KIRREL3: variants seen among roughly 807,000 people sequenced by gnomAD.
KIRREL3 encodes kirre like nephrin family adhesion molecule 3, also known as kin of IRRE-like protein 3.
Under a neutral mutation model 89.7 loss-of-function variants are expected in KIRREL3, and 36 were observed. The observed-to-expected ratio is 0.40, with a 90% confidence interval of 0.31 to 0.53. The LOEUF is 0.53. Ranked by LOEUF, KIRREL3 falls within the 20% of genes least tolerant of loss-of-function variation. The pLI, the probability that KIRREL3 is intolerant of heterozygous loss-of-function variation, is 0.49. For missense variants in KIRREL3, 864 were observed against 1,056.6 expected (o/e 0.82, Z 2.53); for synonymous variants, 445 against 441.4 (o/e 1.01, Z -0.10).
chr11:126,514,832 C>T (rs557222640), intron 4 of KIRREL3, among the ~76,000 whole-genome samples: 27 of 134,854 alleles, frequency 2.0e-4, no homozygotes, highest in African/African-American at 7.6e-4. Flanking sequence ...CACAACACAA[C>T]ACAACACAAC....
intron 1 of KIRREL3, among the ~76,000 whole-genome samples, chr11:126,732,762 G>C (rs10790824): frequency 0.22 from 34,045 of 152,164 alleles, 4,082 homozygotes; most frequent in African/African-American, 0.3. Flanking sequence ...TATGCCCAAG[G>C]AGACTCCAAG....
Position 126,778,546 on chromosome 11 carries a change from G to A in KIRREL3, c.56-215634C>T, listed in dbSNP as rs564595795. Among the ~76,000 whole-genome samples the A allele has an allele frequency of 1.3e-5, 2 of 152,210 alleles. No homozygotes were observed. The highest frequency in any genetic ancestry group is 1.9e-4 in the East Asian group (1 of 5,182). On this transcript the variant is annotated intron_variant, in intron 1 of 16. Coordinates refer to ENST00000525144, the MANE Select transcript of KIRREL3 (RefSeq NM_032531.4). The surrounding 1 kb of genome is among the most constrained non-coding windows in gnomAD (Gnocchi z 4.5). ...GTTTTTGCTATAACAACAATGCTGCGGTAAATACCCTTTTACTGAAATCTT... is the reference window on the plus strand; with the variant it reads ...GTTTTTGCTATAACAACAATGCTGCAGTAAATACCCTTTTACTGAAATCTT...
In KIRREL3 at chr11:126,521,347, A is replaced by G. The variant is rs939648426; in HGVS notation, c.401T>C (p.Ile134Thr). The stretch of plus-strand genomic sequence containing the variant: ...TGTGAGGCGTGCGGGGCGGGAGCGG[A>G]TGGCGGCCTGGATGGCCTGGCACTC... ...VYECQAIQAA[I>T]RSRPARLTVL... Residue 134 changes from isoleucine (I) to threonine (T), a missense_variant, in exon 4 of 17, where the codon ATC becomes ACC. Physicochemically the swap from Ile to Thr is moderately conservative, Grantham distance 89 (BLOSUM62 -1). Coordinates refer to ENST00000525144, the MANE Select transcript of KIRREL3 (RefSeq NM_032531.4). The surrounding 1 kb of genome is among the most constrained non-coding windows in gnomAD (Gnocchi z 4.1). The G allele has an allele frequency of 6.4e-7, 1 of 1,553,536 alleles. No individual in the cohort carries two copies. The highest frequency in any genetic ancestry group is 8.7e-7 in the Non-Finnish European group (1 of 1,148,118).
In KIRREL3 at chr11:126,895,202, C is replaced by T. The variant is rs575424327; in HGVS notation, c.55+105253G>A. On this transcript the variant is annotated intron_variant, in intron 1 of 16. Coordinates refer to ENST00000525144, the MANE Select transcript of KIRREL3 (RefSeq NM_032531.4). ...AGAAGGCCGGGTGCAGTGGCTCACA[C>T]CTGTAACCCCAGCACTTTGGGAGGC... Among the ~76,000 whole-genome samples, 170 of 152,148 alleles carry T rather than the reference C, an allele frequency of 1.1e-3. 5 individuals carry two copies. In the South Asian group the frequency reaches 0.033, roughly 30 times the overall value.
rs1056250518 is a variant in KIRREL3 at position 126,565,419 on chromosome 11, T to A, written c.56-2507A>T. On this transcript the variant is annotated intron_variant, in intron 1 of 16. Coordinates refer to ENST00000525144, the MANE Select transcript of KIRREL3 (RefSeq NM_032531.4). This position sits in a 1 kb window ranked among gnomAD's most constrained non-coding sequence, Gnocchi z 5.4. ...AAGAAGTTTTAAAAAACCTGATTAATAAAAGAAATTGAGAATGAGGCAATT... is the reference window on the plus strand; with the variant it reads ...AAGAAGTTTTAAAAAACCTGATTAAAAAAAGAAATTGAGAATGAGGCAATT... Among the ~76,000 whole-genome samples, 1 of 152,212 alleles carries A rather than the reference T, an allele frequency of 6.6e-6. No individual in the cohort carries two copies. Among genetic ancestry groups the A allele is most frequent in the Non-Finnish European group, 1.5e-5 (1 of 68,048 alleles).
chr11:126,677,421 A>T lies in KIRREL3; in HGVS notation c.56-114509T>A, dbSNP rs1195780643. Among the ~76,000 whole-genome samples the T allele has an allele frequency of 1.3e-5, 2 of 152,218 alleles. No homozygotes were observed. Among genetic ancestry groups the T allele is most frequent in the Admixed American group, 6.5e-5 (1 of 15,286 alleles). On this transcript the variant is annotated intron_variant, in intron 1 of 16. Coordinates refer to ENST00000525144, the MANE Select transcript of KIRREL3 (RefSeq NM_032531.4). This position sits in a 1 kb window ranked among gnomAD's most constrained non-coding sequence, Gnocchi z 5.1. ...TCCATTCTGGAGAAAGGATGTTGGC[A>T]TAGTCTGGGTGCTTTGCTATCTATT...
At position 126,922,163 on chromosome 11, in the gene KIRREL3, CTATCTA is replaced by C. The variant is rs1565421133; in HGVS notation, c.55+78286_55+78291del. On this transcript the variant is annotated intron_variant, in intron 1 of 16. Coordinates refer to ENST00000525144, the MANE Select transcript of KIRREL3 (RefSeq NM_032531.4). ...TCTATCTATCTATCTATCTATCTAT[CTATCTA>C]TCTATCTCTATCATCTTTTGGTTCT... 9.3e-5 allele frequency among the ~76,000 whole-genome samples: 14 copies of C among 151,244 alleles called. 1 individual carries two copies. The highest frequency in any genetic ancestry group is 3.4e-4 in the African/African-American group (14 of 41,222).
intron 1 of KIRREL3, among the ~76,000 whole-genome samples, chr11:126,895,325 T>C (rs1434355538): frequency 6.6e-6 from 1 of 151,648 alleles, no homozygotes; most frequent in Non-Finnish European, 1.5e-5. Context: ...TAGCCAGGCA[T>C]GGTGGAGGGC....
chr11:126,999,756 T>A lies in KIRREL3; in HGVS notation c.55+699A>T, dbSNP rs1418601477. On this transcript the variant is annotated intron_variant, in intron 1 of 16. Transcript: ENST00000525144. This position sits in a 1 kb window ranked among gnomAD's most constrained non-coding sequence, Gnocchi z 5.7. ...AGGTGGCAAAGTTCTTTCCGGAGAG[T>A]CCACCTGCTTCTCTGCCCCTGCTAG... Among the ~76,000 whole-genome samples, 1 of 151,958 alleles carries A rather than the reference T, an allele frequency of 6.6e-6. No individual in the cohort carries two copies. Among genetic ancestry groups the A allele is most frequent in the Non-Finnish European group, 1.5e-5 (1 of 67,992 alleles).
chr11:126,602,041 C>T (rs575532606), intron 1 of KIRREL3, among the ~76,000 whole-genome samples: 1 of 152,330 alleles, frequency 6.6e-6, no homozygotes, highest in East Asian at 1.9e-4. Context: ...ATCAACACCT[C>T]GCAGGAACTA....
chr11:126,679,452 C>T (rs1946353293), intron 1 of KIRREL3, among the ~76,000 whole-genome samples: 1 of 152,146 alleles, frequency 6.6e-6, no homozygotes, highest in Non-Finnish European at 1.5e-5. Context: ...AAACATGTTC[C>T]CTTTAAGGGA....
At chr11:126,869,181 C>T (rs1430048941) in intron 1 of KIRREL3, among the ~76,000 whole-genome samples, 1 of 137,734 alleles carries the variant, frequency 7.3e-6, no homozygotes, top group Non-Finnish European at 1.5e-5. Flanking sequence ...TTTCTCCTAG[C>T]AGGACATGGC....
At chr11:126,716,728 G>A (rs1947976575) in intron 1 of KIRREL3, among the ~76,000 whole-genome samples, 1 of 119,192 alleles carries the variant, frequency 8.4e-6, no homozygotes, top group Non-Finnish European at 1.8e-5. Context: ...GCCTGAGTGT[G>A]AGTGTGAGTG....
At position 126,948,423 on chromosome 11, in the gene KIRREL3, A is replaced by G. The variant is rs1186240902; in HGVS notation, c.55+52032T>C. 6.6e-6 allele frequency among the ~76,000 whole-genome samples: 1 copy of G among 152,192 alleles called. No homozygotes were observed. Among genetic ancestry groups the G allele is most frequent in the Non-Finnish European group, 1.5e-5 (1 of 68,032 alleles). On this transcript the variant is annotated intron_variant, in intron 1 of 16. Transcript: ENST00000525144. This position sits in a 1 kb window ranked among gnomAD's most constrained non-coding sequence, Gnocchi z 4.5. ...CTAAGGTCCAAGAGAGTCAAGTGCT[A>G]TGCTCAGAGCTAAGAGAACAGCGGG... is the stretch of plus-strand genomic sequence containing the variant.
intron 1 of KIRREL3, among the ~76,000 whole-genome samples, chr11:126,603,627 T>G (rs946518441): frequency 1.3e-4 from 20 of 152,382 alleles, no homozygotes; most frequent in Admixed American, 5.9e-4. Context: ...GCAGCTGTGC[T>G]GGAGCCACGC....
chr11:126,610,991 G>A lies in KIRREL3; in HGVS notation c.56-48079C>T, dbSNP rs536578734. The A allele has an allele frequency of 6.6e-6, 1 of 152,312 alleles. No homozygotes were observed. Among genetic ancestry groups the A allele is most frequent in the East Asian group, 1.9e-4 (1 of 5,188 alleles). The allele number at this position is 152,312 out of a possible 1,614,324, so 9.4% of individuals were successfully genotyped here. A position where few individuals can be genotyped will look rare whatever the true frequency, so the allele number is the denominator to read the frequency against. On this transcript the variant is annotated intron_variant, in intron 1 of 16. Coordinates refer to ENST00000525144, the MANE Select transcript of KIRREL3 (RefSeq NM_032531.4). The surrounding 1 kb of genome is among the most constrained non-coding windows in gnomAD (Gnocchi z 4.6). ...AGGAGGAAGCTAGACACATCTGAAA[G>A]CCTCTGAACAACCTGCGATGAAGAT...
At position 126,773,149 on chromosome 11, in the gene KIRREL3, T is replaced by A. The variant is rs1008597776; in HGVS notation, c.56-210237A>T. On this transcript the variant is annotated intron_variant, in intron 1 of 16. Coordinates refer to ENST00000525144, the MANE Select transcript of KIRREL3 (RefSeq NM_032531.4). The surrounding 1 kb of genome is among the most constrained non-coding windows in gnomAD (Gnocchi z 4.2). ...CATTAATCCATTGATTTTGTAGGTC[T>A]GTGATGATTGATTTTTTGTGTCAAC... 6.6e-6 allele frequency among the ~76,000 whole-genome samples: 1 copy of A among 152,234 alleles called. No homozygotes were observed. Among genetic ancestry groups the A allele is most frequent in the African/African-American group, 2.4e-5 (1 of 41,460 alleles).
chr11:126,711,478 C>A (rs1325089297), intron 1 of KIRREL3, among the ~76,000 whole-genome samples: 1 of 152,164 alleles, frequency 6.6e-6, no homozygotes, highest in African/African-American at 2.4e-5. Flanking sequence ...ATGAGAATCA[C>A]TTGAACCCAG....
At chr11:126,457,465 A>C (rs56972407) in intron 6 of KIRREL3, among the ~76,000 whole-genome samples, 13,683 of 150,966 alleles carry the variant, frequency 0.091, 759 homozygotes, top group East Asian at 0.26. Flanking sequence ...ATACATGTGT[A>C]TATGTGTGTA....
Sources: gnomAD v4.1 joint callset for allele counts (sites outside exome capture counted in the v4.1 genomes callset) on GRCh38, gnomAD v4.1.1 for gene constraint, Gnocchi (gnomAD v3.1) non-coding constraint, MANE v1.5 for transcripts, NCBI Gene and HGNC (gene_info 2026-07-23, HGNC 2026-07-21) for gene names.